Variants in TMEM229B observed in about 807,000 individuals in gnomAD.
TMEM229B encodes transmembrane protein 229B.
TMEM229B carries 6 observed loss-of-function variants against 13.7 expected under a neutral mutation model. The observed-to-expected ratio is 0.44, with a 90% CI of 0.24 to 0.86. The LOEUF is 0.86. TMEM229B is among the 40% of genes least tolerant of loss of function. The pLI, the probability that TMEM229B is intolerant of heterozygous loss-of-function variation, is 0.23. For synonymous variants in TMEM229B, 107 were observed against 102.1 expected, an observed-to-expected ratio of 1.05 and a Z score of -0.29; for missense variants, 170 against 236.0, an observed-to-expected ratio of 0.72 and a Z score of 1.83.
intron 1 of TMEM229B, among the ~76,000 whole-genome samples, chr14:67,498,600 G>C (rs1218450890): frequency 6.6e-6 from 1 of 152,192 alleles, no homozygotes; most frequent in East Asian, 1.9e-4. Context: ...AAAGACGAAG[G>C]AATGAGCAGA....
rs746853746 is a variant in TMEM229B, at chr14:67,473,651, G to T, written c.273C>A (p.Thr91=). 1.3e-6 allele frequency: 2 copies of T among 1,579,922 alleles called. No individual in the cohort carries two copies. Among genetic ancestry groups the T allele is most frequent in the Non-Finnish European group, 8.6e-7 (1 of 1,162,976 alleles). ...CGTTGAACTGGCGCAGGATGAAGCC[G>T]GTGGTGAACTCCCACAGGTAGGTCC... is the stretch of plus-strand genomic sequence containing the variant. The part of the protein sequence containing the change: ...TLWTYLWEFT[T]GFILRQFNAC... Residue 91 remains threonine, a synonymous_variant, in exon 3 of 3, where the codon ACC becomes ACA. Coordinates refer to ENST00000554480, the MANE Select transcript of TMEM229B (RefSeq NM_001348543.2). This position sits in a 1 kb window ranked among gnomAD's most constrained non-coding sequence, Gnocchi z 6.5.
chr14:67,487,180 T>A lies in TMEM229B; in HGVS notation c.-191-8A>T, dbSNP rs572790884. The A allele has an allele frequency of 3.9e-5, 6 of 152,314 alleles. No individual in the cohort carries two copies. The East Asian group carries it at 1.2e-3, about 29-fold the overall frequency. 9.4% of individuals were successfully genotyped at this position (152,314 alleles called of 1,614,324 possible). On this transcript the variant is annotated splice_polypyrimidine_tract_variant and splice_region_variant and intron_variant, in intron 1 of 2. Transcript: ENST00000554480. ...GGCAGCTTCCATGTGTCCCTGGGAA[T>A]AAAAGAGGAGGCTTTTATTAGCTTA...
chr14:67,525,639 T>A (rs1221945339), intron 1 of TMEM229B, among the ~76,000 whole-genome samples: 2 of 152,238 alleles, frequency 1.3e-5, no homozygotes, highest in Non-Finnish European at 2.9e-5. Context: ...AGTAACATTT[T>A]AGTGATTCTT....
chr14:67,491,356 G>A (rs1357789003), upstream of TMEM229B, among the ~76,000 whole-genome samples: 2 of 152,046 alleles, frequency 1.3e-5, no homozygotes, highest in African/African-American at 4.8e-5. Flanking sequence ...CACCTTTCTT[G>A]GAGGTTGGAG....
chr14:67,515,369 G>A (rs2033172707), exon 1 of TMEM229B: 2 of 174,342 alleles, frequency 1.1e-5, no homozygotes, highest in African/African-American at 2.4e-5. Flanking sequence ...CGGGGTCCGG[G>A]GGGCTGCAGC....
At chr14:67,477,297 C>T (rs2031278412) in intron 2 of TMEM229B, among the ~76,000 whole-genome samples, 1 of 152,236 alleles carries the variant, frequency 6.6e-6, no homozygotes, top group African/African-American at 2.4e-5. Flanking sequence ...CACAATCCAG[C>T]TCTTCCTGTC....
intron 1 of TMEM229B, among the ~76,000 whole-genome samples, chr14:67,525,820 T>C (rs1236676208): frequency 6.6e-6 from 1 of 152,194 alleles, no homozygotes; most frequent in Non-Finnish European, 1.5e-5. Context: ...GTGTCTTTTG[T>C]TCCAGAGATC....
intron 1 of TMEM229B, among the ~76,000 whole-genome samples, chr14:67,495,590 C>T (rs1431112610): frequency 6.6e-6 from 1 of 152,000 alleles, no homozygotes; most frequent in African/African-American, 2.4e-5. Flanking sequence ...TCAAGCGATT[C>T]TCCTGCCTCA....
chr14:67,495,930 C>T (rs1019036009), intron 1 of TMEM229B, among the ~76,000 whole-genome samples: 1 of 152,262 alleles, frequency 6.6e-6, no homozygotes, highest in Non-Finnish European at 1.5e-5. Flanking sequence ...AACACCTCAG[C>T]ACCATCACAG....
exon 1 of TMEM229B, chr14:67,533,661 A>T (rs1045143320): frequency 6.6e-6 from 1 of 152,180 alleles, no homozygotes; most frequent in Middle Eastern, 3.4e-3. Context: ...GGTCAGATCC[A>T]GCCGCTCCTG....
At chr14:67,493,528 C>T (rs1052811771), upstream of TMEM229B, among the ~76,000 whole-genome samples, 1 of 152,184 alleles carries the variant, frequency 6.6e-6, no homozygotes, top group African/African-American at 2.4e-5. Flanking sequence ...GAGTAAATTG[C>T]CTTGCTGAGA....
At chr14:67,478,729 T>C (rs2031386467) in intron 2 of TMEM229B, among the ~76,000 whole-genome samples, 3 of 152,102 alleles carry the variant, frequency 2.0e-5, no homozygotes, top group African/African-American at 7.2e-5. Flanking sequence ...CGGTGAACCC[T>C]CCTTTAAGAC....
intron 1 of TMEM229B, among the ~76,000 whole-genome samples, chr14:67,496,548 G>C (rs1160547405): frequency 1.3e-5 from 2 of 151,768 alleles, no homozygotes; most frequent in African/African-American, 4.8e-5. Flanking sequence ...GTGAAGAAAA[G>C]GAGAGAGAAA....
chr14:67,507,378 C>A (rs2032864813), intron 1 of TMEM229B, among the ~76,000 whole-genome samples: 1 of 151,986 alleles, frequency 6.6e-6, no homozygotes. Flanking sequence ...AACAAAAAAA[C>A]ATCAACCAGA....
chr14:67,496,393 T>TTTG (rs2032372225), intron 1 of TMEM229B, among the ~76,000 whole-genome samples: 1 of 58,142 alleles, frequency 1.7e-5, no homozygotes, highest in African/African-American at 8.9e-5. Context: ...GCTCCGGCGT[T>TTTG]TTTTTTTTTT....
chr14:67,524,554 A>G (rs1467765411), intron 1 of TMEM229B, among the ~76,000 whole-genome samples: 1 of 152,176 alleles, frequency 6.6e-6, no homozygotes, highest in Non-Finnish European at 1.5e-5. Flanking sequence ...AATGGACCAC[A>G]CCCAGCTAGC....
intron 1 of TMEM229B, among the ~76,000 whole-genome samples, chr14:67,505,103 A>G (rs912622059): frequency 6.6e-6 from 1 of 152,200 alleles, no homozygotes; most frequent in Non-Finnish European, 1.5e-5. Context: ...GTGCACCAAG[A>G]TGCAACAGGT....
At chr14:67,531,974 C>T (rs943918905) in intron 1 of TMEM229B, among the ~76,000 whole-genome samples, 1 of 147,086 alleles carries the variant, frequency 6.8e-6, no homozygotes, top group East Asian at 2.0e-4. Context: ...ATCCAGAGAA[C>T]GTGTTTTTGG....
chr14:67,523,190 G>T (rs2033315723), intron 1 of TMEM229B, among the ~76,000 whole-genome samples: 2 of 152,104 alleles, frequency 1.3e-5, no homozygotes, highest in African/African-American at 4.8e-5. Context: ...GGGTGTGGTG[G>T]CAGAAGCCTG....
Sources: gnomAD v4.1 joint callset for allele counts (sites outside exome capture counted in the v4.1 genomes callset) on GRCh38, gnomAD v4.1.1 for gene constraint, Gnocchi (gnomAD v3.1) non-coding constraint, MANE v1.5 for transcripts, NCBI Gene and HGNC (gene_info 2026-07-23, HGNC 2026-07-21) for gene names.